CCDC63: variants seen among roughly 807,000 people sequenced by gnomAD.
The protein encoded by CCDC63 is coiled-coil domain containing 63.
Under a neutral mutation model 63.6 loss-of-function variants are expected in CCDC63, and 54 were observed. The ratio of observed to expected loss-of-function variants is 0.85; its 90% CI spans 0.68 to 1.07. CCDC63 has a LOEUF of 1.07. Ranked by LOEUF, CCDC63 falls within the 50% of genes least tolerant of loss-of-function variation. CCDC63 has a pLI of 0.00. For missense variants in CCDC63, 637 were observed against 689.6 expected, an observed-to-expected ratio of 0.92 and a Z score of 0.86; for synonymous variants, 253 against 266.1, an observed-to-expected ratio of 0.95 and a Z score of 0.48.
Position 110,853,459 on chromosome 12 carries a change from G to A in CCDC63, c.64G>A (p.Ala22Thr), listed in dbSNP as rs560262760. Reference sequence around the variant, plus strand: ...CACTCCCCAGGAACCTTCGGAGAAGGCCAAAGAGCAGCAGGCGGAGGCAGA... The same window carrying A: ...CACTCCCCAGGAACCTTCGGAGAAGACCAAAGAGCAGCAGGCGGAGGCAGA... ...SDTPQEPSEK[A>T]KEQQAEAELR... Residue 22 changes from alanine to threonine, a missense_variant, in exon 3 of 12, where the codon GCC becomes ACC. Coordinates refer to ENST00000308208, the MANE Select transcript of CCDC63 (RefSeq NM_152591.3). The A allele has an allele frequency of 3.6e-5, 58 of 1,614,120 alleles. No individual in the cohort carries two copies. In the South Asian group the frequency reaches 6.0e-4, roughly 17 times the overall value.
In CCDC63 at chr12:110,907,258, A is replaced by G; in HGVS notation, c.1547-73A>G. On this transcript the variant is annotated intron_variant, in intron 11 of 11. Coordinates refer to ENST00000308208, the MANE Select transcript of CCDC63 (RefSeq NM_152591.3). This position sits in a 1 kb window ranked among gnomAD's most constrained non-coding sequence, Gnocchi z 4.4. Reference sequence around the variant, plus strand: ...CTCCACTCCCCAGTGCTATGGAGGGACGCCAAACCAGGCTTAGCCCCAGCC... The same window carrying G: ...CTCCACTCCCCAGTGCTATGGAGGGGCGCCAAACCAGGCTTAGCCCCAGCC... The G allele has an allele frequency of 2.0e-6, 3 of 1,495,440 alleles. No individual in the cohort carries two copies. Among genetic ancestry groups the G allele is most frequent in the Non-Finnish European group, 2.7e-6 (3 of 1,100,324 alleles). The allele number at this position is 1,495,440 out of a possible 1,614,324, so 92.6% of individuals were successfully genotyped here. A position where few individuals can be genotyped will look rare whatever the true frequency, so the allele number is the denominator to read the frequency against.
At chr12:110,865,477 A>G (rs1051896437) in intron 4 of CCDC63, among the ~76,000 whole-genome samples, 1 of 151,476 alleles carries the variant, frequency 6.6e-6, no homozygotes, top group Non-Finnish European at 1.5e-5. Flanking sequence ...AAAAAAAAAA[A>G]AAAAAGAAAA....
At chr12:110,879,178 C>T (rs1207743386) in intron 5 of CCDC63, among the ~76,000 whole-genome samples, 1 of 152,212 alleles carries the variant, frequency 6.6e-6, no homozygotes, top group Non-Finnish European at 1.5e-5. Flanking sequence ...AATACCTAGT[C>T]CATATTAACA....
chr12:110,874,051 A>G, intron 5 of CCDC63, 90 bp downstream of exon 5: 1 of 1,489,720 alleles, frequency 6.7e-7, no homozygotes, highest in Non-Finnish European at 9.0e-7. Flanking sequence ...TTAGCAGAAC[A>G]TACCCATTTC....
At chr12:110,881,448 G>A (rs1485214526) in intron 7 of CCDC63, 152 bp downstream of exon 7, 2 of 785,602 alleles carry the variant, frequency 2.5e-6, no homozygotes, top group East Asian at 5.7e-5. Flanking sequence ...GGTTGTGCAT[G>A]GTGGCTCACG....
Position 110,899,994 on chromosome 12 carries a change from A to C in CCDC63, c.1342+869A>C, listed in dbSNP as rs555326274. ...TTTGGGAGGCCGAGGCGGGCAGATC[A>C]CTTGAGGTCAGGAGTTCAAGACCAG... is the stretch of plus-strand genomic sequence containing the variant. On this transcript the variant is annotated intron_variant, in intron 10 of 11. Transcript: ENST00000308208. 2.0e-3 allele frequency among the ~76,000 whole-genome samples: 311 copies of C among 152,138 alleles called. 2 individuals carry two copies. The highest frequency in any genetic ancestry group is 7.0e-3 in the African/African-American group (291 of 41,494).
In CCDC63 at chr12:110,853,634, C is replaced by T; in HGVS notation, c.179+60C>T. ...TTGGAGGAAAGTTGGGGTTGGGCTT[C>T]ATGTTGCTTGTCTTCTGTTCTGTGA... On this transcript the variant is annotated intron_variant, in intron 3 of 11. Coordinates refer to ENST00000308208, the MANE Select transcript of CCDC63 (RefSeq NM_152591.3). 1.9e-6 allele frequency: 3 copies of T among 1,594,870 alleles called. No homozygotes were observed. The African/African-American group carries it at 4.0e-5, about 21-fold the overall frequency.
At chr12:110,904,849 T>A in intron 11 of CCDC63, 58 bp downstream of exon 11, 1 of 1,401,874 alleles carries the variant, frequency 7.1e-7, no homozygotes, top group Non-Finnish European at 9.7e-7. Flanking sequence ...CCTTCAGGTC[T>A]GGGGAGACCG....
At chr12:110,851,347 A>C (rs1432409932) in intron 1 of CCDC63, among the ~76,000 whole-genome samples, 1 of 152,176 alleles carries the variant, frequency 6.6e-6, no homozygotes, top group Admixed American at 6.5e-5. Context: ...AGCCTCTTGC[A>C]GAGGCGAGAT....
chr12:110,867,642 A>C (rs1347313822), intron 4 of CCDC63, among the ~76,000 whole-genome samples: 2 of 104,746 alleles, frequency 1.9e-5, no homozygotes, highest in Non-Finnish European at 1.9e-5. Flanking sequence ...ACTTCCCAGT[A>C]GGGGCGGCCG....
At position 110,907,298 on chromosome 12, in the gene CCDC63, C is replaced by T. The variant is rs745849585; in HGVS notation, c.1547-33C>T. On this transcript the variant is annotated intron_variant, in intron 11 of 11. Coordinates refer to ENST00000308208, the MANE Select transcript of CCDC63 (RefSeq NM_152591.3). The surrounding 1 kb of genome is among the most constrained non-coding windows in gnomAD (Gnocchi z 4.4). ...TAGCCCCAGCCCTGGGGTTGATTTC[C>T]CAGCACCTCACACAAATCTGATCTT... 1.2e-6 allele frequency: 2 copies of T among 1,603,492 alleles called. No homozygotes were observed. Among genetic ancestry groups the T allele is most frequent in the East Asian group, 2.2e-5 (1 of 44,772 alleles).
At chr12:110,851,213 G>C (rs2070700738) in intron 1 of CCDC63, among the ~76,000 whole-genome samples, 1 of 151,468 alleles carries the variant, frequency 6.6e-6, no homozygotes, top group South Asian at 2.1e-4. Flanking sequence ...TCTGTAATTG[G>C]ACATTACCCA....
intron 6 of CCDC63, among the ~76,000 whole-genome samples, chr12:110,880,453 T>A (rs1043444756): frequency 1.3e-5 from 2 of 152,070 alleles, no homozygotes; most frequent in African/African-American, 4.8e-5. Flanking sequence ...TCCAAGGGGA[T>A]CTTTCTCAAT....
intron 5 of CCDC63, among the ~76,000 whole-genome samples, chr12:110,879,320 C>T (rs915163634): frequency 2.0e-5 from 3 of 152,190 alleles, no homozygotes; most frequent in East Asian, 1.9e-4. Context: ...TCCAAAGGGA[C>T]GTTGTCCCCA....
chr12:110,878,384 G>C (rs565917011), intron 5 of CCDC63, among the ~76,000 whole-genome samples: 1 of 151,928 alleles, frequency 6.6e-6, no homozygotes, highest in African/African-American at 2.4e-5. Flanking sequence ...GCGTGATCTC[G>C]GCTCACTGAA....
chr12:110,852,874 C>CAG lies in CCDC63; in HGVS notation c.-70_-69dup. ...CCATGAACAGGGCATTGCAGAGAGA[C>CAG]AGAGAGAGAGAGGAAGGCTCACTGG... is the stretch of plus-strand genomic sequence containing the variant. On this transcript the variant is annotated 5_prime_UTR_variant, in exon 2 of 12. Transcript: ENST00000308208. 1.1e-5 allele frequency: 18 copies of CAG among 1,598,888 alleles called. No individual in the cohort carries two copies. Among genetic ancestry groups the CAG allele is most frequent in the East Asian group, 2.2e-5 (1 of 44,638 alleles).
chr12:110,855,523 C>G (rs1364048731), intron 3 of CCDC63, among the ~76,000 whole-genome samples: 1 of 152,172 alleles, frequency 6.6e-6, no homozygotes, highest in African/African-American at 2.4e-5. Context: ...TCTGGTTTCA[C>G]TTTGATGGAA....
Position 110,881,287 on chromosome 12 carries a change from A to T in CCDC63, c.844A>T (p.Arg282Trp). 6.2e-7 allele frequency: 1 copy of T among 1,612,876 alleles called. No homozygotes were observed. Among genetic ancestry groups the T allele is most frequent in the Non-Finnish European group, 8.5e-7 (1 of 1,179,480 alleles). Residue 282 changes from arginine to tryptophan, a missense_variant, in exon 7 of 12, where the codon AGG becomes TGG. Physicochemically the swap from Arg to Trp is moderately radical, Grantham distance 101. Coordinates refer to ENST00000308208, the MANE Select transcript of CCDC63 (RefSeq NM_152591.3). ...CAATGAATTCGAGGAGCAGGCCAAAAGGGAGGAAGGTACACCCTCCAGGAG... is the reference window on the plus strand; with the variant it reads ...CAATGAATTCGAGGAGCAGGCCAAATGGGAGGAAGGTACACCCTCCAGGAG... ...DRNEFEEQAK[R>W]EEALKAKKHV... is the part of the protein sequence containing the mutation.
chr12:110,891,034 C>T (rs1231056193), intron 8 of CCDC63, among the ~76,000 whole-genome samples: 5 of 152,056 alleles, frequency 3.3e-5, no homozygotes, highest in Non-Finnish European at 7.4e-5. Context: ...CCACCTTGGC[C>T]TCCCAAAGCA....
Sources: allele counts gnomAD v4.1 joint callset (sites outside exome capture counted in the v4.1 genomes callset), GRCh38; gene constraint gnomAD v4.1.1; non-coding constraint Gnocchi (gnomAD v3.1); transcripts MANE v1.5; gene names NCBI Gene and HGNC (gene_info 2026-07-23, HGNC 2026-07-21).